Variants in RPAP2 observed in about 807,000 individuals in gnomAD.
RPAP2 encodes the protein putative RNA polymerase II subunit B1 CTD phosphatase RPAP2.
A neutral mutation model predicts 73.1 loss-of-function variants in RPAP2; 52 were observed. The observed-to-expected ratio is 0.71, with a 90% CI of 0.57 to 0.90. The LOEUF (loss-of-function observed/expected upper bound fraction) is 0.90, where lower values mean the gene tolerates loss of function less well. Among genes scored for constraint, RPAP2 ranks in the 40% least tolerant of loss-of-function variants. The pLI is 0.00. For synonymous variants in RPAP2, 225 were observed against 242.1 expected (o/e 0.93, Z 0.65); for missense variants, 598 against 701.8 (o/e 0.85, Z 1.67).
At chr1:92,335,716 C>G (rs532422516) in intron 9 of RPAP2, among the ~76,000 whole-genome samples, 4 of 152,128 alleles carry the variant, frequency 2.6e-5, no homozygotes, top group African/African-American at 9.6e-5. Context: ...AAAATAGATT[C>G]ACATTATTTT....
chr1:92,355,147 G>A (rs1654402055), intron 11 of RPAP2, among the ~76,000 whole-genome samples: 1 of 151,784 alleles, frequency 6.6e-6, no homozygotes, highest in Non-Finnish European at 1.5e-5. Context: ...CTCCCACCTT[G>A]TCCTTATGTC....
intron 8 of RPAP2, among the ~76,000 whole-genome samples, chr1:92,325,217 C>A (rs531163105): frequency 6.6e-6 from 1 of 152,168 alleles, no homozygotes; most frequent in East Asian, 1.9e-4. Context: ...TGGGTAATAA[C>A]CTTGTTTTTA....
At position 92,307,161 on chromosome 1, in the gene RPAP2, A is replaced by T. The variant is rs752021956; in HGVS notation, c.400-27A>T. On this transcript the variant is annotated intron_variant, in intron 5 of 12. Transcript: ENST00000610020. ...TAGGTAATGTTTCATGATAAGAAAA[A>T]AACTAGATTTATAATGTTCTTTTCA... The T allele has an allele frequency of 6.6e-6, 10 of 1,510,996 alleles. 1 individual carries two copies. The South Asian group carries it at 1.2e-4, about 17-fold the overall frequency. The allele number at this position is 1,510,996 out of a possible 1,614,324, so 93.6% of individuals were successfully genotyped here.
rs1218876656 is a variant in RPAP2 at position 92,400,137 on chromosome 1, G to C, written c.*13126G>C. 2 of 152,212 alleles carry C rather than the reference G, an allele frequency of 1.3e-5. No homozygotes were observed. The highest frequency in any genetic ancestry group is 1.9e-4 in the East Asian group (1 of 5,182). The allele number at this position is 152,212 out of a possible 1,614,324, so 9.4% of individuals were successfully genotyped here. A position where few individuals can be genotyped will look rare whatever the true frequency, so the allele number is the denominator to read the frequency against. ...AAAAGCCCAATGAGCTCTGGAGAGAGAGAGGGAGCTAAAACAGGACTCAAT... is the reference window on the plus strand; with the variant it reads ...AAAAGCCCAATGAGCTCTGGAGAGACAGAGGGAGCTAAAACAGGACTCAAT... On this transcript the variant is annotated 3_prime_UTR_variant, in exon 13 of 13. Transcript: ENST00000610020.
intron 12 of RPAP2, among the ~76,000 whole-genome samples, chr1:92,383,596 G>A (rs1430745407): frequency 6.6e-6 from 1 of 152,202 alleles, no homozygotes; most frequent in Non-Finnish European, 1.5e-5. Flanking sequence ...GAATGCTTGT[G>A]ATTTTTGTAC....
At chr1:92,359,421 G>A (rs1654632856) in intron 11 of RPAP2, among the ~76,000 whole-genome samples, 1 of 152,216 alleles carries the variant, frequency 6.6e-6, no homozygotes, top group Non-Finnish European at 1.5e-5. Flanking sequence ...CCAGGTTCAA[G>A]CAATTCTCCG....
At chr1:92,356,585 A>ATTGTTTT (rs763439308) in intron 11 of RPAP2, among the ~76,000 whole-genome samples, 1 of 51,784 alleles carries the variant, frequency 1.9e-5, no homozygotes. Flanking sequence ...CTCCTGGCTA[A>ATTGTTTT]TTTTTTTTTT....
chr1:92,304,966 C>G (rs772454546), intron 5 of RPAP2, among the ~76,000 whole-genome samples: 4 of 151,652 alleles, frequency 2.6e-5, no homozygotes, highest in Non-Finnish European at 5.9e-5. Flanking sequence ...AAAACCCTGT[C>G]TCTACAAAAA....
intron 9 of RPAP2, among the ~76,000 whole-genome samples, chr1:92,335,777 C>T (rs1342878282): frequency 6.6e-6 from 1 of 151,982 alleles, no homozygotes; most frequent in Non-Finnish European, 1.5e-5. Flanking sequence ...TAACCAATCA[C>T]CTATTGATAC....
chr1:92,308,262 G>C (rs1480172590), intron 6 of RPAP2, among the ~76,000 whole-genome samples: 34 of 152,260 alleles, frequency 2.2e-4, no homozygotes, highest in Non-Finnish European at 5.9e-5. Flanking sequence ...CTTGATAATT[G>C]AGTTAAACAT....
At chr1:92,308,131 A>G (rs538598678) in intron 6 of RPAP2, among the ~76,000 whole-genome samples, 2 of 152,180 alleles carry the variant, frequency 1.3e-5, no homozygotes, top group South Asian at 2.1e-4. Flanking sequence ...GCGATGTAAC[A>G]CCACTCTCAA....
intron 11 of RPAP2, among the ~76,000 whole-genome samples, chr1:92,346,469 T>C (rs1653906879): frequency 6.6e-6 from 1 of 152,158 alleles, no homozygotes; most frequent in African/African-American, 2.4e-5. Flanking sequence ...CAGCCTGTTA[T>C]CATCTTGGAA....
At chr1:92,348,266 G>A (rs973924741) in intron 11 of RPAP2, among the ~76,000 whole-genome samples, 6 of 152,158 alleles carry the variant, frequency 3.9e-5, no homozygotes, top group South Asian at 2.1e-4. Flanking sequence ...TCTCTCTTTC[G>A]TTATGCCCTA....
rs1180704816 is a variant in RPAP2, at chr1:92,320,619, T to G, written c.509T>G (p.Leu170Arg). Reference sequence around the variant, plus strand: ...TACAGGCATCCTGATTTTCAACTGCTAAAGGAAGAACAAAGGTATGGTTGA... The same window carrying G: ...TACAGGCATCCTGATTTTCAACTGCGAAAGGAAGAACAAAGGTATGGTTGA... Reference protein sequence around the residue: ...EEERHPDFQLLKEEQSGHSGE... With the variant: ...EEERHPDFQLRKEEQSGHSGE... Residue 170 changes from leucine to arginine, a missense_variant, in exon 7 of 13, where the codon CTA becomes CGA. Physicochemically the swap from Leu to Arg is moderately radical, Grantham distance 102. Transcript: ENST00000610020. The G allele has an allele frequency of 6.2e-7, 1 of 1,610,842 alleles. No individual in the cohort carries two copies. The highest frequency in any genetic ancestry group is 8.5e-7 in the Non-Finnish European group (1 of 1,177,492).
At chr1:92,305,225 A>C (rs535543162) in intron 5 of RPAP2, among the ~76,000 whole-genome samples, 1 of 151,906 alleles carries the variant, frequency 6.6e-6, no homozygotes, top group Non-Finnish European at 1.5e-5. Context: ...GAGGTCAGGA[A>C]ATCGAGACCA....
intron 11 of RPAP2, among the ~76,000 whole-genome samples, chr1:92,347,262 A>G (rs1486322783): frequency 6.6e-6 from 1 of 152,224 alleles, no homozygotes; most frequent in Non-Finnish European, 1.5e-5. Context: ...AACAGATCTT[A>G]TTAATTTTTT....
chr1:92,302,014 A>G (rs1432632396), intron 3 of RPAP2, among the ~76,000 whole-genome samples: 1 of 152,172 alleles, frequency 6.6e-6, no homozygotes, highest in Non-Finnish European at 1.5e-5. Context: ...GCCAGGCACA[A>G]TGGCTCATGT....
chr1:92,322,009 G>A (rs1422273643), intron 7 of RPAP2, among the ~76,000 whole-genome samples: 2 of 145,588 alleles, frequency 1.4e-5, no homozygotes, highest in South Asian at 2.2e-4. Context: ...GCAGTGGCGC[G>A]ATCTCGGCTC....
intron 8 of RPAP2, among the ~76,000 whole-genome samples, chr1:92,327,337 C>T (rs1373337800): frequency 6.6e-6 from 1 of 152,132 alleles, no homozygotes; most frequent in Non-Finnish European, 1.5e-5. Flanking sequence ...AATTTGGGAG[C>T]TCCAGGTTTA....
Sources: allele counts gnomAD v4.1 joint callset (sites outside exome capture counted in the v4.1 genomes callset), GRCh38; gene constraint gnomAD v4.1.1; transcripts MANE v1.5; gene names NCBI Gene and HGNC (gene_info 2026-07-23, HGNC 2026-07-21).